Variants in NCAPD2 observed in about 807,000 individuals in gnomAD.
NCAPD2 encodes the protein condensin complex subunit 1.
A neutral mutation model predicts 164.5 loss-of-function variants in NCAPD2; 100 were observed. That is an observed-to-expected ratio of 0.61 (90% CI 0.52 to 0.72). NCAPD2 has a LOEUF of 0.72. Among genes scored for constraint, NCAPD2 ranks in the 30% least tolerant of loss-of-function variants. The pLI is 0.00. For synonymous variants in NCAPD2, 585 were observed against 642.6 expected (o/e 0.91, Z 1.36); for missense variants, 1,560 against 1,749.2 (o/e 0.89, Z 1.93).
intron 13 of NCAPD2, among the ~76,000 whole-genome samples, chr12:6,520,643 T>C (rs1592174140): frequency 6.6e-6 from 1 of 152,232 alleles, no homozygotes; most frequent in East Asian, 1.9e-4. Context: ...ATTGAAAGTT[T>C]ATTGTTTCTA....
At chr12:6,498,002 G>C (rs7310452) in intron 2 of NCAPD2, among the ~76,000 whole-genome samples, 53,775 of 151,042 alleles carry the variant, frequency 0.36, 10,388 homozygotes, top group African/African-American at 0.52. Context: ...GGCTCCATCC[G>C]AGCTCACTGC....
Position 6,522,056 on chromosome 12 carries a change from C to G in NCAPD2, c.1954+19C>G. The G allele has an allele frequency of 6.2e-7, 1 of 1,610,568 alleles. No homozygotes were observed. The highest frequency in any genetic ancestry group is 8.5e-7 in the Non-Finnish European group (1 of 1,177,448). The stretch of plus-strand genomic sequence containing the variant: ...ACTACAGGTATGCCAGAGTCCCTTT[C>G]TATAAGGACAGCCTTGGGGTTCTTT... On this transcript the variant is annotated intron_variant, in intron 15 of 31. Transcript: ENST00000315579.
intron 13 of NCAPD2, chr12:6,518,189 A>G (rs1946221903): frequency 2.4e-6 from 1 of 415,972 alleles, no homozygotes; most frequent in Non-Finnish European, 4.3e-6. Context: ...AAATGTTAAC[A>G]GTATTATAAT....
At chr12:6,523,183 G>A in intron 16 of NCAPD2, 79 bp from the exon 17 acceptor site, 1 of 1,500,408 alleles carries the variant, frequency 6.7e-7, no homozygotes, top group Non-Finnish European at 9.3e-7. Flanking sequence ...TAGCACTGTG[G>A]TGGGATAGCC....
At chr12:6,510,917 G>T (rs1946140607) in intron 5 of NCAPD2, 107 bp downstream of exon 5, 1 of 1,400,684 alleles carries the variant, frequency 7.1e-7, no homozygotes, top group South Asian at 1.4e-5. Flanking sequence ...TCCTCATTGA[G>T]AATTTAGGAG....
At chr12:6,511,347 G>C (rs944336205) in intron 6 of NCAPD2, 95 bp downstream of exon 6, 44 of 1,389,834 alleles carry the variant, frequency 3.2e-5, no homozygotes, top group Non-Finnish European at 3.7e-5. Context: ...TTTTTTTTGT[G>C]GGGGGACAGA....
chr12:6,510,487 A>G (rs1296661057), intron 4 of NCAPD2, 142 bp from the exon 5 acceptor site: 1 of 989,374 alleles, frequency 1.0e-6, no homozygotes, highest in Admixed American at 1.7e-5. Context: ...CAAGGGTCCT[A>G]AAGGACTTAG....
intron 13 of NCAPD2, among the ~76,000 whole-genome samples, chr12:6,518,504 G>GTTTTTTTTTTTGTTTTTTTTTTTTTTTTT (rs1946226887): frequency 2.2e-5 from 1 of 44,774 alleles, no homozygotes; most frequent in Admixed American, 3.3e-4. Context: ...CCGTCAACAA[G>GTTTTTTTTTTTGTTTTTTTTTTTTTTTTT]TTTTTTTTTT....
rs1296559231 is a variant in NCAPD2 at position 6,495,136 on chromosome 12, C to T, written c.38C>T (p.Ser13Phe). Reference protein sequence around the residue: ...PQMYEFHLPLSPEELLKSGGV... With the variant: ...PQMYEFHLPLFPEELLKSGGV... ...ATGTATGAGTTCCATCTGCCATTAT[C>T]CCCAGAGGAGTTGTTGAAAAGTGGA... The change falls in exon 2 of 32, where the codon TCC becomes TTC. Residue 13 changes from serine to phenylalanine, a missense_variant. Coordinates refer to ENST00000315579, the MANE Select transcript of NCAPD2 (RefSeq NM_014865.4). 1.2e-6 allele frequency: 2 copies of T among 1,614,118 alleles called. No homozygotes were observed. The highest frequency in any genetic ancestry group is 1.1e-5 in the South Asian group (1 of 91,082).
In NCAPD2 at chr12:6,522,820, T is replaced by C. The variant is rs745668526; in HGVS notation, c.1955-8T>C. On this transcript the variant is annotated splice_polypyrimidine_tract_variant and splice_region_variant and intron_variant, in intron 15 of 31. Transcript: ENST00000315579. The stretch of plus-strand genomic sequence containing the variant: ...GTAGATAGGTGACATTTGTACATGT[T>C]CTCTCAGTGGTGCAGGAGGTGATTG... 3 of 1,613,204 alleles carry C rather than the reference T, an allele frequency of 1.9e-6. No homozygotes were observed. The highest frequency in any genetic ancestry group is 2.5e-6 in the Non-Finnish European group (3 of 1,179,698).
chr12:6,530,050 C>G (rs2137062733), intron 29 of NCAPD2, 92 bp downstream of exon 29: 1 of 1,389,248 alleles, frequency 7.2e-7, no homozygotes, highest in South Asian at 1.4e-5. Context: ...TTGCAGTCAC[C>G]TTCCCGTCCT....
At position 6,530,931 on chromosome 12, in the gene NCAPD2, C is replaced by A; in HGVS notation, c.3975C>A (p.Tyr1325Ter). ...SAKKPSTGSR[Y>*]QPLASTASDN... is the part of the protein sequence containing the mutation. Reference sequence around the variant, plus strand: ...TCCTGCCTTTTCTAGGTTCTAGGTACCAGCCTCTGGCTTCTACAGCCTCAG... The same window carrying A: ...TCCTGCCTTTTCTAGGTTCTAGGTAACAGCCTCTGGCTTCTACAGCCTCAG... Residue 1325 changes from tyrosine (Y) to a stop codon, truncating the protein, a stop_gained, in exon 31 of 32, where the codon TAC (tyrosine) becomes TAA (stop). Coordinates refer to ENST00000315579, the MANE Select transcript of NCAPD2 (RefSeq NM_014865.4). LOFTEE classifies it high-confidence loss of function. 1 of 1,614,122 alleles carries A rather than the reference C, an allele frequency of 6.2e-7. No individual in the cohort carries two copies. Among genetic ancestry groups the A allele is most frequent in the East Asian group, 2.2e-5 (1 of 44,892 alleles).
At chr12:6,500,289 G>A (rs1272889945) in intron 2 of NCAPD2, among the ~76,000 whole-genome samples, 2 of 152,102 alleles carry the variant, frequency 1.3e-5, no homozygotes, top group Admixed American at 6.6e-5. Context: ...ATATAAAGAA[G>A]AAGATAGTAG....
At position 6,528,263 on chromosome 12, in the gene NCAPD2, C is replaced by T. The variant is rs1565547438; in HGVS notation, c.3234C>T (p.Ala1078=). Residue 1078 remains alanine, a synonymous_variant, in exon 25 of 32, where the codon GCC becomes GCT. Coordinates refer to ENST00000315579, the MANE Select transcript of NCAPD2 (RefSeq NM_014865.4). This position sits in a 1 kb window ranked among gnomAD's most constrained non-coding sequence, Gnocchi z 5.1. ...LPIVRSNLMV[A]TGDLAIRFPN... is the part of the protein sequence containing the mutation. ...TTGTCCGGTCTAACCTCATGGTTGC[C>T]ACTGGGGATCTGGCCATCCGCTTTC... 6.2e-7 allele frequency: 1 copy of T among 1,613,982 alleles called. No individual in the cohort carries two copies. The highest frequency in any genetic ancestry group is 8.5e-7 in the Non-Finnish European group (1 of 1,180,038).
At chr12:6,523,198 T>C (rs865982193) in intron 16 of NCAPD2, 64 bp from the exon 17 acceptor site, 1 of 1,547,712 alleles carries the variant, frequency 6.5e-7, no homozygotes, top group Non-Finnish European at 8.9e-7. Flanking sequence ...ATAGCCCTAA[T>C]CACTGTTTGC....
At chr12:6,496,909 A>C (rs1434153063) in intron 2 of NCAPD2, among the ~76,000 whole-genome samples, 1 of 152,238 alleles carries the variant, frequency 6.6e-6, no homozygotes, top group African/African-American at 2.4e-5. Flanking sequence ...ACACAGGGTC[A>C]AGGTCACCAA....
Position 6,528,606 on chromosome 12 carries a change from G to A in NCAPD2, c.3300-73G>A. ...GAGCATGGGATAATTGATTCCTGCT[G>A]AGGGCCTTTTCTACCAGTGTTAGGG... is the stretch of plus-strand genomic sequence containing the variant. On this transcript the variant is annotated intron_variant, in intron 25 of 31. Transcript: ENST00000315579. The surrounding 1 kb of genome is among the most constrained non-coding windows in gnomAD (Gnocchi z 5.1). 3 of 1,493,558 alleles carry A rather than the reference G, an allele frequency of 2.0e-6. No homozygotes were observed. The South Asian group carries it at 3.6e-5, about 18-fold the overall frequency. The allele number at this position is 1,493,558 out of a possible 1,614,324, so 92.5% of individuals were successfully genotyped here.
chr12:6,521,480 A>G (rs891924516), intron 14 of NCAPD2, among the ~76,000 whole-genome samples: 15 of 152,136 alleles, frequency 9.9e-5, no homozygotes, highest in Non-Finnish European at 1.9e-4. Context: ...CCAGGAGTTG[A>G]AAATCAGCCT....
intron 2 of NCAPD2, among the ~76,000 whole-genome samples, chr12:6,504,802 C>T (rs1403291961): frequency 6.6e-6 from 1 of 152,116 alleles, no homozygotes; most frequent in Non-Finnish European, 1.5e-5. Context: ...CAGTATTGTG[C>T]TGTATTTATC....
Sources: allele counts gnomAD v4.1 joint callset (sites outside exome capture counted in the v4.1 genomes callset), GRCh38; gene constraint gnomAD v4.1.1; non-coding constraint Gnocchi (gnomAD v3.1); transcripts MANE v1.5; gene names NCBI Gene and HGNC (gene_info 2026-07-23, HGNC 2026-07-21).